The following KATNAL1 variants were observed in gnomAD, a reference collection of about 807,000 sequenced individuals.
KATNAL1 encodes the protein katanin catalytic subunit A1 like 1.
KATNAL1 carries 32 observed loss-of-function variants against 55.2 expected under a neutral mutation model. The observed-to-expected ratio is 0.58, with a 90% confidence interval of 0.44 to 0.78. KATNAL1 has a LOEUF of 0.78. Ranked by LOEUF, KATNAL1 falls within the 30% of genes least tolerant of loss-of-function variation. The pLI, the probability that KATNAL1 is intolerant of heterozygous loss-of-function variation, is 0.00. For synonymous variants in KATNAL1, 193 were observed against 193.6 expected (o/e 1.00, Z 0.02); for missense variants, 466 against 600.9 (o/e 0.78, Z 2.35).
chr13:30,298,083 C>T (rs1882634273), intron 1 of KATNAL1, among the ~76,000 whole-genome samples: 1 of 152,200 alleles, frequency 6.6e-6, no homozygotes, highest in South Asian at 2.1e-4. Context: ...AATGTTATTG[C>T]ACACTTAATA....
rs201679059 is a variant in KATNAL1 at position 30,292,769 on chromosome 13, AC to A, written c.-14-8979del. The stretch of plus-strand genomic sequence containing the variant: ...ACAGTTGGGAGAAAAAATTTTTGCA[AC>A]TGTGCATGTCTGTAAATACCTTTAT... On this transcript the variant is annotated intron_variant, in intron 1 of 10. Transcript: ENST00000380615. 8.5e-3 allele frequency among the ~76,000 whole-genome samples: 1,296 copies of A among 152,276 alleles called. 27 individuals are homozygous for A. The highest frequency in any genetic ancestry group is 0.03 in the African/African-American group (1,235 of 41,564).
chr13:30,274,024 G>A (rs1377000212), intron 3 of KATNAL1, among the ~76,000 whole-genome samples: 2 of 152,202 alleles, frequency 1.3e-5, no homozygotes, highest in Non-Finnish European at 2.9e-5. Context: ...CCCACCGTAT[G>A]TGGGACGGCA....
chr13:30,284,288 T>G (rs149332930), intron 1 of KATNAL1, among the ~76,000 whole-genome samples: 338 of 152,206 alleles, frequency 2.2e-3, no homozygotes, highest in African/African-American at 7.7e-3. Context: ...ACGGAAATAA[T>G]AGGGAGAAAG....
intron 3 of KATNAL1, among the ~76,000 whole-genome samples, chr13:30,262,274 T>G (rs1368396907): frequency 6.6e-6 from 1 of 151,334 alleles, no homozygotes; most frequent in Non-Finnish European, 1.5e-5. Context: ...CAGGAAAGAT[T>G]CAAAATTGAC....
intron 3 of KATNAL1, among the ~76,000 whole-genome samples, chr13:30,257,298 A>T (rs2137467091): frequency 6.6e-6 from 1 of 152,304 alleles, no homozygotes; most frequent in African/African-American, 2.4e-5. Flanking sequence ...ATGGCCAAAG[A>T]CAATAAAATG....
chr13:30,233,747 G>A (rs998912081), intron 6 of KATNAL1, among the ~76,000 whole-genome samples: 7 of 152,094 alleles, frequency 4.6e-5, no homozygotes, highest in South Asian at 2.1e-4. Context: ...TATACAAAAC[G>A]GAATACTATT....
intron 1 of KATNAL1, among the ~76,000 whole-genome samples, chr13:30,300,986 A>C (rs1448830049): frequency 6.6e-6 from 1 of 152,258 alleles, no homozygotes; most frequent in Admixed American, 6.5e-5. Context: ...ATTTCTGCTC[A>C]TGTTCTAAAT....
chr13:30,287,215 G>T (rs1054539547), intron 1 of KATNAL1, among the ~76,000 whole-genome samples: 1 of 152,176 alleles, frequency 6.6e-6, no homozygotes, highest in Non-Finnish European at 1.5e-5. Context: ...GGATGATATG[G>T]TTTGGCTCTG....
intron 8 of KATNAL1, among the ~76,000 whole-genome samples, chr13:30,228,139 A>G (rs1043399395): frequency 1.3e-5 from 2 of 152,158 alleles, no homozygotes; most frequent in Admixed American, 6.5e-5. Flanking sequence ...AACTACATGT[A>G]TATACACAGT....
At chr13:30,254,413 C>T (rs1173702663) in intron 4 of KATNAL1, among the ~76,000 whole-genome samples, 1 of 152,094 alleles carries the variant, frequency 6.6e-6, no homozygotes, top group Non-Finnish European at 1.5e-5. Context: ...AAATCTAATT[C>T]ATTTTCAGTG....
At chr13:30,264,590 G>C (rs1425306070) in intron 3 of KATNAL1, among the ~76,000 whole-genome samples, 3 of 150,812 alleles carry the variant, frequency 2.0e-5, no homozygotes, top group Admixed American at 2.0e-4. Flanking sequence ...CTCAAAAGAA[G>C]ACATTTATGC....
chr13:30,266,012 CAAAAAAA>C (rs776557665), intron 3 of KATNAL1, among the ~76,000 whole-genome samples: 6 of 35,360 alleles, frequency 1.7e-4, no homozygotes, highest in African/African-American at 3.4e-4. Flanking sequence ...AACTCCATCT[CAAAAAAA>C]AAAAAAAAAA....
At chr13:30,274,886 C>CAGAT (rs1555265558) in intron 3 of KATNAL1, among the ~76,000 whole-genome samples, 6 of 123,844 alleles carry the variant, frequency 4.8e-5, no homozygotes, top group Non-Finnish European at 1.0e-4. Flanking sequence ...TGTGTGCACA[C>CAGAT]ACATACGCGC....
chr13:30,299,039 A>G (rs1199138987), intron 1 of KATNAL1, among the ~76,000 whole-genome samples: 1 of 152,228 alleles, frequency 6.6e-6, no homozygotes, highest in African/African-American at 2.4e-5. Context: ...GAAATGACAA[A>G]TTATATACAA....
intron 3 of KATNAL1, among the ~76,000 whole-genome samples, chr13:30,263,405 A>G (rs1879474680): frequency 6.6e-6 from 1 of 150,884 alleles, no homozygotes; most frequent in Non-Finnish European, 1.5e-5. Flanking sequence ...AAGGGTATTC[A>G]ATTAGGAAAA....
chr13:30,266,847 G>A (rs1346484646), intron 3 of KATNAL1, among the ~76,000 whole-genome samples: 1 of 152,176 alleles, frequency 6.6e-6, no homozygotes. Flanking sequence ...AGATCTGGAG[G>A]TACAGACATA....
At chr13:30,284,735 T>C (rs754084213) in intron 1 of KATNAL1, among the ~76,000 whole-genome samples, 4 of 152,220 alleles carry the variant, frequency 2.6e-5, no homozygotes, top group Non-Finnish European at 4.4e-5. Flanking sequence ...TTATTTTCCT[T>C]TCTATAAGAT....
chr13:30,251,916 G>A (rs1248554291), intron 4 of KATNAL1, among the ~76,000 whole-genome samples: 1 of 152,166 alleles, frequency 6.6e-6, no homozygotes, highest in Non-Finnish European at 1.5e-5. Flanking sequence ...ACTATGCAAA[G>A]TGATTGTTAC....
At chr13:30,262,433 G>A (rs893769769) in intron 3 of KATNAL1, among the ~76,000 whole-genome samples, 1 of 152,092 alleles carries the variant, frequency 6.6e-6, no homozygotes, top group Non-Finnish European at 1.5e-5. Flanking sequence ...TCCAGGAACT[G>A]GTTTTTTGAA....
Sources: gnomAD v4.1 joint callset for allele counts (sites outside exome capture counted in the v4.1 genomes callset) on GRCh38, gnomAD v4.1.1 for gene constraint, MANE v1.5 for transcripts, NCBI Gene and HGNC (gene_info 2026-07-23, HGNC 2026-07-21) for gene names.